HOMER2: variants seen among roughly 807,000 people sequenced by gnomAD.
The protein encoded by HOMER2 is homer scaffold protein 2, also known as homer protein homolog 2.
HOMER2 carries 27 observed loss-of-function variants against 47.0 expected under a neutral mutation model. That is an observed-to-expected ratio of 0.57 (90% CI 0.42 to 0.79). The LOEUF (loss-of-function observed/expected upper bound fraction) is 0.79, where lower values mean the gene tolerates loss of function less well. Ranked by LOEUF, HOMER2 falls within the 30% of genes least tolerant of loss-of-function variation. The pLI is 0.00. For missense variants in HOMER2, 443 were observed against 435.0 expected (o/e 1.02, Z -0.16); for synonymous variants, 161 against 163.8 (o/e 0.98, Z 0.13).
Position 82,952,580 on chromosome 15 carries a change from TCGCTCTCCGCC to T in HOMER2, c.-56_-46del. 1 of 1,155,946 alleles carries T rather than the reference TCGCTCTCCGCC, an allele frequency of 8.7e-7. No homozygotes were observed. The highest frequency in any genetic ancestry group is 1.1e-6 in the Non-Finnish European group (1 of 939,586). The allele number at this position is 1,155,946 out of a possible 1,614,324, so 71.6% of individuals were successfully genotyped here. On this transcript the variant is annotated 5_prime_UTR_variant, in exon 1 of 9. Transcript: ENST00000450735. ...GCCGCTCCGACGGGGCCTCTCGCGC[TCGCTCTCCGCC>T]CGCTCGGCAGCCGCTCCCCGCGCGG...
intron 2 of HOMER2, among the ~76,000 whole-genome samples, chr15:82,881,543 A>T (rs1479678448): frequency 1.3e-5 from 2 of 152,246 alleles, no homozygotes; most frequent in Non-Finnish European, 2.9e-5. Flanking sequence ...CAGCGAAGAA[A>T]AGAAATATTC....
At chr15:82,880,265 A>G in intron 2 of HOMER2, among the ~76,000 whole-genome samples, 1 of 152,346 alleles carries the variant, frequency 6.6e-6, no homozygotes, top group East Asian at 1.9e-4. Context: ...ACCTGAATAA[A>G]AAACTTTTTT....
intron 1 of HOMER2, among the ~76,000 whole-genome samples, chr15:82,933,248 ATGAGG>A (rs1310784329): frequency 6.6e-6 from 1 of 152,090 alleles, no homozygotes. Flanking sequence ...CTTCCTTGAG[ATGAGG>A]TCTTGCTCTG....
chr15:82,898,988 C>T (rs2053028188), intron 1 of HOMER2, among the ~76,000 whole-genome samples: 1 of 152,168 alleles, frequency 6.6e-6, no homozygotes, highest in Non-Finnish European at 1.5e-5. Flanking sequence ...TCTTAAACCC[C>T]TCCAAACACC....
chr15:82,873,855 C>T (rs967736244), intron 3 of HOMER2, among the ~76,000 whole-genome samples: 7 of 152,226 alleles, frequency 4.6e-5, no homozygotes, highest in Middle Eastern at 6.8e-3. Flanking sequence ...ATGGGATGGC[C>T]GGATCTGTGC....
intron 1 of HOMER2, among the ~76,000 whole-genome samples, chr15:82,949,431 G>C (rs1236710283): frequency 6.6e-6 from 1 of 152,114 alleles, no homozygotes; most frequent in Admixed American, 6.6e-5. Context: ...TTGTTTTGAG[G>C]AGAGGGAGTG....
exon 2 of HOMER2, chr15:82,840,735 C>T (rs530513279): frequency 2.0e-5 from 3 of 151,696 alleles, no homozygotes; most frequent in South Asian, 2.1e-4. Context: ...TGTGCTTAGC[C>T]GGGAAAATTT....
intron 1 of HOMER2, among the ~76,000 whole-genome samples, chr15:82,938,016 C>A (rs1411663600): frequency 6.6e-6 from 1 of 152,208 alleles, no homozygotes; most frequent in Non-Finnish European, 1.5e-5. Flanking sequence ...TTTATCAACC[C>A]ATTTTCCTTC....
chr15:82,855,944 T>C (rs2051570952), intron 5 of HOMER2, among the ~76,000 whole-genome samples: 1 of 152,334 alleles, frequency 6.6e-6, no homozygotes, highest in East Asian at 1.9e-4. Context: ...AGGGCAGAGC[T>C]GCACGTGACA....
At chr15:82,946,763 T>A (rs1434831112) in intron 1 of HOMER2, among the ~76,000 whole-genome samples, 1 of 152,196 alleles carries the variant, frequency 6.6e-6, no homozygotes, top group East Asian at 1.9e-4. Flanking sequence ...ACACACTCAT[T>A]CAATATCTAC....
At chr15:82,924,087 C>T (rs1170343026) in intron 1 of HOMER2, among the ~76,000 whole-genome samples, 3 of 152,176 alleles carry the variant, frequency 2.0e-5, no homozygotes, top group African/African-American at 4.8e-5. Flanking sequence ...GTTCCTTGTA[C>T]ACTTCTTTGG....
At chr15:82,923,417 G>A (rs2053780616) in intron 1 of HOMER2, among the ~76,000 whole-genome samples, 1 of 151,526 alleles carries the variant, frequency 6.6e-6, no homozygotes, top group South Asian at 2.1e-4. Flanking sequence ...AACCTGGGAG[G>A]TGGAGGTTGC....
intron 1 of HOMER2, among the ~76,000 whole-genome samples, chr15:82,894,837 AT>A (rs1340195618): frequency 6.6e-6 from 1 of 151,950 alleles, no homozygotes; most frequent in Non-Finnish European, 1.5e-5. Flanking sequence ...AAAAAAAAAA[AT>A]CAAAGAGAAA....
chr15:82,957,671 A>T (rs2054597978), upstream of HOMER2, among the ~76,000 whole-genome samples: 1 of 152,140 alleles, frequency 6.6e-6, no homozygotes, highest in South Asian at 2.1e-4. Flanking sequence ...TGGGACCACC[A>T]GCCCTAGCCC....
chr15:82,904,014 G>C (rs2053212684), intron 1 of HOMER2, among the ~76,000 whole-genome samples: 1 of 152,170 alleles, frequency 6.6e-6, no homozygotes, highest in Non-Finnish European at 1.5e-5. Context: ...GCCCACACCT[G>C]TAATCTCAGC....
intron 1 of HOMER2, among the ~76,000 whole-genome samples, chr15:82,975,659 C>A (rs1238282476): frequency 6.6e-6 from 1 of 152,122 alleles, no homozygotes; most frequent in East Asian, 1.9e-4. Context: ...ATCTAAAAAT[C>A]ACAACAATTG....
At chr15:82,939,122 T>C (rs897670838) in intron 1 of HOMER2, among the ~76,000 whole-genome samples, 6 of 152,226 alleles carry the variant, frequency 3.9e-5, no homozygotes, top group African/African-American at 1.4e-4. Flanking sequence ...ATACTTGCTA[T>C]GGATAGCCTG....
At chr15:82,944,518 T>C (rs1044878967) in intron 1 of HOMER2, among the ~76,000 whole-genome samples, 14 of 152,238 alleles carry the variant, frequency 9.2e-5, no homozygotes, top group African/African-American at 3.1e-4. Context: ...CAGGACTTGA[T>C]ACACCACAGA....
rs1416620660 is a variant in HOMER2 at position 82,864,261 on chromosome 15, T to C, written c.295-2A>G. On this transcript the variant is annotated splice_acceptor_variant, in intron 3 of 8. Transcript: ENST00000450735. LOFTEE classifies it high-confidence loss of function. ...CACCTCCTGGAATTTCTCTGCAAAC[T>C]GAACATGAAGAATAGTTATTAAGGC... 6.2e-7 allele frequency: 1 copy of C among 1,606,582 alleles called. No individual in the cohort carries two copies. The highest frequency in any genetic ancestry group is 8.5e-7 in the Non-Finnish European group (1 of 1,174,234).
Sources: gnomAD v4.1 joint callset for allele counts (sites outside exome capture counted in the v4.1 genomes callset) on GRCh38, gnomAD v4.1.1 for gene constraint, MANE v1.5 for transcripts, NCBI Gene and HGNC (gene_info 2026-07-23, HGNC 2026-07-21) for gene names.